The following TAB3 variants were observed in gnomAD, a reference collection of about 807,000 sequenced individuals.
TAB3 encodes the protein TGF-beta-activated kinase 1 and MAP3K7-binding protein 3.
Under a neutral mutation model 48.1 loss-of-function variants are expected in TAB3, and 18 were observed. The ratio of observed to expected loss-of-function variants is 0.37; its 90% confidence interval spans 0.26 to 0.55. The LOEUF (loss-of-function observed/expected upper bound fraction) is 0.55. Ranked by LOEUF, TAB3 falls within the 20% of genes least tolerant of loss-of-function variation. The pLI is 0.78. For missense variants in TAB3, 414 were observed against 549.8 expected, an observed-to-expected ratio of 0.75 and a Z score of 2.47; for synonymous variants, 185 against 190.2, an observed-to-expected ratio of 0.97 and a Z score of 0.22.
intron 4 of TAB3, among the ~76,000 whole-genome samples, chrX:30,866,847 G>T (rs1939422902): frequency 2.5e-5 from 2 of 80,581 alleles, no homozygotes; most frequent in Non-Finnish European, 4.6e-5. Flanking sequence ...TTTCCAAAGA[G>T]CACAATACAG....
chrX:30,854,082 A>T (rs377402609), intron 6 of TAB3, 34 bp downstream of exon 6: 18 of 1,150,836 alleles, frequency 1.6e-5, no homozygotes, highest in Non-Finnish European at 2.1e-5. Context: ...GCCTCACCAC[A>T]GAAATTAAAT....
At position 30,854,299 on chromosome X, in the gene TAB3, T is replaced by A. The variant is rs1158924465; in HGVS notation, c.1366A>T (p.Lys456Ter). The A allele has an allele frequency of 1.7e-6, 2 of 1,209,624 alleles. No homozygotes were observed. Among genetic ancestry groups the A allele is most frequent in the Non-Finnish European group, 2.2e-6 (2 of 895,177 alleles). ...RVIPNPTTVFKITVGRATTEN... is the reference protein window; with the variant it reads ...RVIPNPTTVF ...GTCGTTGCTCGGCCTACGGTAATTT[T>A]AAAAACTGTAGTTGGGTTTGGTATC... Residue 456 changes from lysine to a stop codon, truncating the protein, a stop_gained, in exon 6 of 11, where the codon AAA becomes TAA. Coordinates refer to ENST00000288422, the MANE Select transcript of TAB3 (RefSeq NM_152787.5). LOFTEE classifies it high-confidence loss of function.
chrX:30,848,344 C>T (rs1938703016), intron 7 of TAB3, among the ~76,000 whole-genome samples: 1 of 111,920 alleles, frequency 8.9e-6, no homozygotes. Context: ...GCCAACATGG[C>T]AAAACCGTCT....
chrX:30,856,567 T>G (rs1430541830), intron 5 of TAB3, among the ~76,000 whole-genome samples: 2 of 112,302 alleles, frequency 1.8e-5, no homozygotes, highest in African/African-American at 6.5e-5. Context: ...CATAAAAGTT[T>G]CCCAATTATT....
intron 7 of TAB3, among the ~76,000 whole-genome samples, chrX:30,848,452 G>A (rs1938708379): frequency 9.0e-6 from 1 of 111,525 alleles, no homozygotes; most frequent in Admixed American, 9.5e-5. Context: ...AACTGGGGAG[G>A]TGGAGGTTGC....
At chrX:30,876,503 C>A (rs1379993370) in intron 1 of TAB3, among the ~76,000 whole-genome samples, 2 of 111,686 alleles carry the variant, frequency 1.8e-5, no homozygotes, top group Non-Finnish European at 3.8e-5. Context: ...AAATGTGACA[C>A]AGCAGAATTT....
chrX:30,872,015 T>C (rs1026827600), intron 1 of TAB3, among the ~76,000 whole-genome samples: 1 of 112,013 alleles, frequency 8.9e-6, no homozygotes, highest in African/African-American at 3.3e-5. Context: ...TCTCATCACC[T>C]CGAGTGCCTA....
At position 30,855,262 on chromosome X, in the gene TAB3, G is replaced by A. The variant is rs751794247; in HGVS notation, c.403C>T (p.Pro135Ser). ...TTCATAAAAAATGGATTGTAGTTGGGAGTAGCAGCAACAACAGCTGGAGCT... is the reference window on the plus strand; with the variant it reads ...TTCATAAAAAATGGATTGTAGTTGGAAGTAGCAGCAACAACAGCTGGAGCT... ...HSAPAVVAAT[P>S]NYNPFFMNEQ... is the part of the protein sequence containing the mutation. The change falls in exon 6 of 11, where the codon CCC (proline) becomes TCC (serine). Residue 135 changes from proline (P) to serine (S), a missense_variant. Pro to Ser is a moderately conservative substitution (Grantham distance 74). Transcript: ENST00000288422. The A allele has an allele frequency of 1.5e-5, 18 of 1,209,562 alleles. No individual in the cohort carries two copies. Among genetic ancestry groups the A allele is most frequent in the Non-Finnish European group, 1.9e-5 (17 of 895,152 alleles).
chrX:30,833,979 A>G (rs1938110426), intron 10 of TAB3, 72 bp downstream of exon 10: 1 of 973,766 alleles, frequency 1.0e-6, no homozygotes, highest in East Asian at 3.1e-5. Context: ...GTATGGTTTT[A>G]CTTATAATTC....
At chrX:30,862,271 A>C (rs1405349308) in intron 4 of TAB3, among the ~76,000 whole-genome samples, 2 of 112,364 alleles carry the variant, frequency 1.8e-5, no homozygotes, top group African/African-American at 6.5e-5. Flanking sequence ...CCAGTATTTT[A>C]GGTGCTAAAC....
chrX:30,839,934 ATATATATAT>A (rs1938373432), intron 9 of TAB3, among the ~76,000 whole-genome samples: 1 of 96,547 alleles, frequency 1.0e-5, no homozygotes, highest in Admixed American at 1.2e-4. Context: ...ATATATATAT[ATATATATAT>A]AATATATATT....
chrX:30,851,959 C>T (rs182001343), intron 7 of TAB3, among the ~76,000 whole-genome samples: 160 of 112,282 alleles, frequency 1.4e-3, no homozygotes, highest in African/African-American at 4.7e-3. Context: ...TGAACATATA[C>T]AGCACTTACC....
intron 7 of TAB3, among the ~76,000 whole-genome samples, chrX:30,850,757 G>A (rs1338454069): frequency 9.6e-6 from 1 of 104,322 alleles, no homozygotes; most frequent in East Asian, 3.0e-4. Flanking sequence ...ATCAATAAGA[G>A]CTCTGATATA....
chrX:30,842,491 T>C (rs1219877595), intron 9 of TAB3, among the ~76,000 whole-genome samples: 1 of 112,068 alleles, frequency 8.9e-6, no homozygotes, highest in Non-Finnish European at 1.9e-5. Context: ...TGTAAAAAAT[T>C]ATATAGTCCA....
intron 9 of TAB3, among the ~76,000 whole-genome samples, chrX:30,839,635 C>T (rs944854852): frequency 1.8e-5 from 2 of 109,926 alleles, no homozygotes; most frequent in East Asian, 2.8e-4. Context: ...TTGTTACAAA[C>T]GTACCACTCT....
intron 1 of TAB3, among the ~76,000 whole-genome samples, chrX:30,874,658 G>A (rs1411053727): frequency 2.7e-5 from 3 of 112,172 alleles, no homozygotes; most frequent in African/African-American, 9.7e-5. Flanking sequence ...ATTTGAAAAT[G>A]AGATATGAGG....
rs1486792889 is a variant in TAB3, at chrX:30,831,549, G to A, written c.2017C>T (p.Pro673Ser). 1.7e-6 allele frequency: 2 copies of A among 1,211,462 alleles called. No individual in the cohort carries two copies. The highest frequency in any genetic ancestry group is 2.2e-6 in the Non-Finnish European group (2 of 895,439). Residue 673 changes from proline (P) to serine (S), a missense_variant, in exon 11 of 11, where the codon CCT becomes TCT. Transcript: ENST00000288422. ...DEHRTGSTQS[P>S]RTQPRDEDYE... ...TCTTCATCTCGAGGTTGTGTCCGAGGACTTTGTGTGGAGCCAGTTCGATGC... is the reference window on the plus strand; with the variant it reads ...TCTTCATCTCGAGGTTGTGTCCGAGAACTTTGTGTGGAGCCAGTTCGATGC...
In TAB3 at chrX:30,852,862, C is replaced by T. The variant is rs1326831364; in HGVS notation, c.1626G>A (p.Arg542=). ...CCATACCATTAACTTCAGACTTCAACCGCTCTAGCTCCTCTTTCTCAAGTT... is the reference window on the plus strand; with the variant it reads ...CCATACCATTAACTTCAGACTTCAATCGCTCTAGCTCCTCTTTCTCAAGTT... ...QLKLEKEELE[R]LKSEVNGMEH... Residue 542 remains arginine (R), a synonymous_variant, in exon 7 of 11, where the codon CGG becomes CGA. Transcript: ENST00000288422. The T allele has an allele frequency of 8.3e-7, 1 of 1,209,733 alleles. No individual in the cohort carries two copies. Among genetic ancestry groups the T allele is most frequent in the African/African-American group, 1.7e-5 (1 of 57,202 alleles).
chrX:30,844,093 C>T (rs1202952163), intron 8 of TAB3: 4 of 110,220 alleles, frequency 3.6e-5, no homozygotes, highest in Non-Finnish European at 7.6e-5. Flanking sequence ...TGCCTCCCCC[C>T]GTCACCACCG....
Sources: gnomAD v4.1 joint callset for allele counts (sites outside exome capture counted in the v4.1 genomes callset) on GRCh38, gnomAD v4.1.1 for gene constraint, MANE v1.5 for transcripts, NCBI Gene and HGNC (gene_info 2026-07-23, HGNC 2026-07-21) for gene names.